Variants in AP1M2 observed in about 807,000 individuals in gnomAD.
The protein encoded by AP1M2 is AP-1 complex subunit mu-2.
Under a neutral mutation model 54.6 loss-of-function variants are expected in AP1M2, and 41 were observed. The observed-to-expected ratio is 0.75, with a 90% CI of 0.59 to 0.97. The LOEUF is 0.97. AP1M2 is among the 50% of genes least tolerant of loss of function. The probability of loss-of-function intolerance (pLI) is 0.00; values close to 1 mark genes in which losing one functional copy is unlikely to be tolerated. For synonymous variants in AP1M2, 219 were observed against 215.9 expected (o/e 1.01, Z -0.13); for missense variants, 507 against 561.2 (o/e 0.90, Z 0.98).
In AP1M2 at chr19:10,587,262, A is replaced by G; in HGVS notation, c.-31T>C. On this transcript the variant is annotated 5_prime_UTR_variant, in exon 1 of 12. Coordinates refer to ENST00000250244, the MANE Select transcript of AP1M2 (RefSeq NM_005498.5). ...CGGCCGAAGGACTTAGGAGTCGGGGAGGGAGCGCCGGGAGGCGATGGCGGC... is the reference window on the plus strand; with the variant it reads ...CGGCCGAAGGACTTAGGAGTCGGGGGGGGAGCGCCGGGAGGCGATGGCGGC... The G allele has an allele frequency of 1.3e-6, 2 of 1,558,138 alleles. No individual in the cohort carries two copies. The highest frequency in any genetic ancestry group is 1.2e-5 in the South Asian group (1 of 84,262).
intron 7 of AP1M2, 42 bp from the exon 8 acceptor site, chr19:10,579,005 T>C: frequency 7.5e-7 from 1 of 1,333,244 alleles, no homozygotes; most frequent in Non-Finnish European, 1.0e-6. Context: ...GACTCCATGT[T>C]GACTCTCTTC....
At position 10,581,265 on chromosome 19, in the gene AP1M2, C is replaced by G; in HGVS notation, c.673+1G>C. The G allele has an allele frequency of 1.9e-6, 3 of 1,612,152 alleles. No homozygotes were observed. Among genetic ancestry groups the G allele is most frequent in the Non-Finnish European group, 1.7e-6 (2 of 1,178,716 alleles). Reference sequence around the variant, plus strand: ...AGAAGAAAGGTCCCCTAAATGCTTACGGCCAGTGAGCTCGAAGAGCACGCG... The same window carrying G: ...AGAAGAAAGGTCCCCTAAATGCTTAGGGCCAGTGAGCTCGAAGAGCACGCG... On this transcript the variant is annotated splice_donor_variant, in intron 6 of 11. Coordinates refer to ENST00000250244, the MANE Select transcript of AP1M2 (RefSeq NM_005498.5). LOFTEE classifies it high-confidence loss of function.
At chr19:10,580,287 G>A (rs1358509141) in intron 6 of AP1M2, among the ~76,000 whole-genome samples, 4 of 151,972 alleles carry the variant, frequency 2.6e-5, no homozygotes, top group Non-Finnish European at 5.9e-5. Flanking sequence ...CCAACCTCAG[G>A]TGATCCTCCC....
At chr19:10,584,942 AAAG>A (rs1917580248) in intron 1 of AP1M2, 1 of 151,332 alleles carries the variant, frequency 6.6e-6, no homozygotes, top group Non-Finnish European at 1.5e-5. Context: ...AAAAAAAAAC[AAAG>A]AAGAGGCCAG....
chr19:10,585,672 C>T (rs990960012), intron 1 of AP1M2, among the ~76,000 whole-genome samples: 3 of 150,818 alleles, frequency 2.0e-5, no homozygotes, highest in Non-Finnish European at 3.0e-5. Flanking sequence ...GGTGACAGAG[C>T]GAGACTCCAT....
In AP1M2 at chr19:10,572,997, C is replaced by T; in HGVS notation, c.*69G>A. Reference sequence around the variant, plus strand: ...ACAGACACACACAGCCCGCACCTGCCCTCCCTCTAAAATCTGCATCCGGGG... The same window carrying T: ...ACAGACACACACAGCCCGCACCTGCTCTCCCTCTAAAATCTGCATCCGGGG... On this transcript the variant is annotated 3_prime_UTR_variant, in exon 12 of 12. Transcript: ENST00000250244. The T allele has an allele frequency of 6.7e-7, 1 of 1,496,400 alleles. No individual in the cohort carries two copies. The highest frequency in any genetic ancestry group is 9.1e-7 in the Non-Finnish European group (1 of 1,096,802). The allele number at this position is 1,496,400 out of a possible 1,614,324, so 92.7% of individuals were successfully genotyped here. A position where few individuals can be genotyped will look rare whatever the true frequency, so the allele number is the denominator to read the frequency against.
In AP1M2 at chr19:10,581,892, G is replaced by A; in HGVS notation, c.268-14C>T. 1 of 1,578,030 alleles carries A rather than the reference G, an allele frequency of 6.3e-7. No individual in the cohort carries two copies. Among genetic ancestry groups the A allele is most frequent in the Non-Finnish European group, 8.6e-7 (1 of 1,161,304 alleles). ...TTCGCAGAATACCTGGGGGTTGGAG[G>A]AGAGAGAGACCCACAAAAGTGTGGC... On this transcript the variant is annotated splice_polypyrimidine_tract_variant and intron_variant, in intron 3 of 11. Coordinates refer to ENST00000250244, the MANE Select transcript of AP1M2 (RefSeq NM_005498.5).
chr19:10,585,303 GA>G (rs1366995560), intron 1 of AP1M2, among the ~76,000 whole-genome samples: 1 of 142,430 alleles, frequency 7.0e-6, no homozygotes, highest in Non-Finnish European at 1.6e-5. Context: ...AAGAAAGAAA[GA>G]AAGAAAGAAA....
Position 10,572,903 on chromosome 19 carries a change from A to T in AP1M2, c.*163T>A, listed in dbSNP as rs775413629. 26 of 625,714 alleles carry T rather than the reference A, an allele frequency of 4.2e-5. 1 individual carries two copies. The South Asian group carries it at 4.6e-4, about 11-fold the overall frequency. The allele number at this position is 625,714 out of a possible 1,614,324, so 38.8% of individuals were successfully genotyped here. A position where few individuals can be genotyped will look rare whatever the true frequency, so the allele number is the denominator to read the frequency against. On this transcript the variant is annotated 3_prime_UTR_variant, in exon 12 of 12. Transcript: ENST00000250244. ...GAGAGTTTCTCTCCCAGCCTATGGAATAAGGAAGAGGTGAGGAAGGGGCGG... is the reference window on the plus strand; with the variant it reads ...GAGAGTTTCTCTCCCAGCCTATGGATTAAGGAAGAGGTGAGGAAGGGGCGG...
At chr19:10,585,355 G>GAAAC (rs780189700) in intron 1 of AP1M2, among the ~76,000 whole-genome samples, 1 of 151,322 alleles carries the variant, frequency 6.6e-6, no homozygotes, top group Non-Finnish European at 1.5e-5. Flanking sequence ...AAGAAAGAAA[G>GAAAC]ATGACAGTTC....
intron 10 of AP1M2, 86 bp from the exon 11 acceptor site, chr19:10,574,578 G>T: frequency 8.4e-7 from 1 of 1,192,748 alleles, no homozygotes; most frequent in Non-Finnish European, 1.2e-6. Flanking sequence ...AGGCCAAGCG[G>T]CTATGTGGCA....
intron 1 of AP1M2, among the ~76,000 whole-genome samples, chr19:10,586,824 G>A (rs965488602): frequency 2.0e-5 from 3 of 152,136 alleles, no homozygotes; most frequent in Non-Finnish European, 4.4e-5. Flanking sequence ...TGTTCCAGTT[G>A]CCTTCCCCAG....
rs1568430568 is a variant in AP1M2, at chr19:10,577,325, G to A, written c.920C>T (p.Ala307Val). The change falls in exon 9 of 12, where the codon GCC becomes GTC. Residue 307 changes from alanine (A) to valine (V), a missense_variant. Transcript: ENST00000250244. Reference sequence around the variant, plus strand: ...AGGCACAGATATCTCCACACCGTTGGCCACTGACTGTTTCTTAAACTGCCC... The same window carrying A: ...AGGCACAGATATCTCCACACCGTTGACCACTGACTGTTTCTTAAACTGCCC... ...AKGQFKKQSV[A>V]NGVEISVPVP... is the part of the protein sequence containing the mutation. The A allele has an allele frequency of 6.2e-7, 1 of 1,609,976 alleles. No individual in the cohort carries two copies. Among genetic ancestry groups the A allele is most frequent in the Non-Finnish European group, 8.5e-7 (1 of 1,178,252 alleles).
chr19:10,581,460 G>T, intron 5 of AP1M2, 27 bp downstream of exon 5: 1 of 1,611,624 alleles, frequency 6.2e-7, no homozygotes, highest in Non-Finnish European at 8.5e-7. Context: ...GCCGTGGAAG[G>T]GGTGCCGGGG....
chr19:10,583,894 A>T lies in AP1M2; in HGVS notation c.199+20T>A. On this transcript the variant is annotated intron_variant, in intron 2 of 11. Coordinates refer to ENST00000250244, the MANE Select transcript of AP1M2 (RefSeq NM_005498.5). ...ACAGCCCCCACACCCACCTCCAGGG[A>T]CACCACGTGGGGTGGATACAGTAGA... 1.9e-6 allele frequency: 3 copies of T among 1,584,058 alleles called. No individual in the cohort carries two copies. The highest frequency in any genetic ancestry group is 2.6e-6 in the Non-Finnish European group (3 of 1,164,738).
intron 3 of AP1M2, among the ~76,000 whole-genome samples, chr19:10,583,277 A>T (rs1310937819): frequency 6.6e-6 from 1 of 151,926 alleles, no homozygotes; most frequent in East Asian, 1.9e-4. Context: ...TCCTTTAGGG[A>T]GAGATGACTT....
At chr19:10,585,310 A>AGAAG (rs1917613470) in intron 1 of AP1M2, among the ~76,000 whole-genome samples, 1 of 94,456 alleles carries the variant, frequency 1.1e-5, no homozygotes, top group African/African-American at 3.0e-5. Flanking sequence ...AAAGAAAGAA[A>AGAAG]GAAAGAAAGA....
chr19:10,575,760 TTTTTTTTTC>T (rs1438011494), intron 9 of AP1M2, among the ~76,000 whole-genome samples: 1 of 123,354 alleles, frequency 8.1e-6, no homozygotes, highest in African/African-American at 3.3e-5. Flanking sequence ...TTTTTTTTTC[TTTTTTTTTC>T]TTTTTTTTTT....
chr19:10,585,339 G>GAAAGA (rs1437952623), intron 1 of AP1M2, among the ~76,000 whole-genome samples: 1 of 149,882 alleles, frequency 6.7e-6, no homozygotes, highest in African/African-American at 2.5e-5. Context: ...AAGAAAGAAA[G>GAAAGA]AAAGAAAGAA....
Sources: allele counts gnomAD v4.1 joint callset (sites outside exome capture counted in the v4.1 genomes callset), GRCh38; gene constraint gnomAD v4.1.1; transcripts MANE v1.5; gene names NCBI Gene and HGNC (gene_info 2026-07-23, HGNC 2026-07-21).